SPIDR: variants seen among roughly 807,000 people sequenced by gnomAD.
The protein encoded by SPIDR is DNA repair-scaffolding protein.
Under a neutral mutation model 104.6 loss-of-function variants are expected in SPIDR, and 93 were observed. That is an observed-to-expected ratio of 0.89 (90% CI 0.75 to 1.06). The LOEUF is 1.06. Among genes scored for constraint, SPIDR ranks in the 50% least tolerant of loss-of-function variants. The pLI is 0.00. For missense variants in SPIDR, 1,154 were observed against 1,111.2 expected, an observed-to-expected ratio of 1.04 and a Z score of -0.55; for synonymous variants, 431 against 416.9, an observed-to-expected ratio of 1.03 and a Z score of -0.41.
chr8:47,330,767 G>C (rs886311059), intron 5 of SPIDR: 39 of 456,004 alleles, frequency 8.6e-5, no homozygotes, highest in Non-Finnish European at 1.7e-4. Context: ...AGAGACATCT[G>C]GGTTGCTTCT....
At chr8:47,346,103 T>A (rs1554617811) in intron 5 of SPIDR, among the ~76,000 whole-genome samples, 2 of 152,214 alleles carry the variant, frequency 1.3e-5, no homozygotes, top group Non-Finnish European at 2.9e-5. Context: ...TGTGGGTTTG[T>A]CATAAATAGC....
intron 8 of SPIDR, among the ~76,000 whole-genome samples, chr8:47,475,672 C>A (rs1554723375): frequency 6.6e-6 from 1 of 152,084 alleles, no homozygotes; most frequent in Non-Finnish European, 1.5e-5. Flanking sequence ...CCTTTTATGT[C>A]ACTTGGAGAA....
intron 8 of SPIDR, among the ~76,000 whole-genome samples, chr8:47,442,899 C>G (rs1298187523): frequency 6.6e-6 from 1 of 152,088 alleles, no homozygotes; most frequent in Non-Finnish European, 1.5e-5. Flanking sequence ...CAGGCCTGTT[C>G]CCTTCTCAAC....
At chr8:47,289,267 T>C (rs2039460987) in intron 3 of SPIDR, among the ~76,000 whole-genome samples, 2 of 152,152 alleles carry the variant, frequency 1.3e-5, no homozygotes, top group Admixed American at 1.3e-4. Context: ...ATCAGAGGGG[T>C]TCTGTAAATA....
intron 8 of SPIDR, among the ~76,000 whole-genome samples, chr8:47,480,354 T>G (rs1183808586): frequency 2.0e-5 from 3 of 152,234 alleles, no homozygotes; most frequent in Admixed American, 2.0e-4. Context: ...CATGTTTGTC[T>G]CTTAATGTGT....
chr8:47,626,463 G>A (rs2066130089), intron 10 of SPIDR, among the ~76,000 whole-genome samples: 4 of 152,142 alleles, frequency 2.6e-5, no homozygotes, highest in African/African-American at 7.2e-5. Context: ...CCTACAGAAC[G>A]GGAGGAAATT....
At chr8:47,692,510 T>C (rs901096091) in intron 11 of SPIDR, among the ~76,000 whole-genome samples, 3 of 147,676 alleles carry the variant, frequency 2.0e-5, no homozygotes, top group South Asian at 2.1e-4. Context: ...TTTTTTTTTT[T>C]CTTTGAGACT....
intron 1 of SPIDR, among the ~76,000 whole-genome samples, chr8:47,272,925 T>TG (rs2035628207): frequency 1.3e-5 from 2 of 152,212 alleles, no homozygotes; most frequent in South Asian, 2.1e-4. Flanking sequence ...TTTTACCACT[T>TG]CAAATGAGTT....
intron 11 of SPIDR, among the ~76,000 whole-genome samples, chr8:47,676,519 T>TC (rs2076470695): frequency 2.0e-5 from 1 of 50,942 alleles, no homozygotes; most frequent in Non-Finnish European, 9.4e-5. Flanking sequence ...ATTCTCTCTC[T>TC]TTTTTTTTTT....
At chr8:47,610,031 G>A (rs560165462) in intron 10 of SPIDR, among the ~76,000 whole-genome samples, 42 of 152,186 alleles carry the variant, frequency 2.8e-4, no homozygotes, top group African/African-American at 1.0e-3. Flanking sequence ...CTAAGTTTGC[G>A]TCTTAACCTG....
At chr8:47,363,100 G>A (rs1049315399) in intron 5 of SPIDR, among the ~76,000 whole-genome samples, 1 of 151,530 alleles carries the variant, frequency 6.6e-6, no homozygotes, top group African/African-American at 2.4e-5. Context: ...TCACATTACA[G>A]TAAGCTCCAC....
chr8:47,623,414 A>G (rs1368593906), intron 10 of SPIDR, among the ~76,000 whole-genome samples: 3 of 152,230 alleles, frequency 2.0e-5, no homozygotes, highest in Non-Finnish European at 4.4e-5. Flanking sequence ...AATGGGCTAA[A>G]TGCTCCAATT....
intron 10 of SPIDR, among the ~76,000 whole-genome samples, chr8:47,624,028 C>G (rs2065586986): frequency 6.6e-6 from 1 of 152,166 alleles, no homozygotes; most frequent in African/African-American, 2.4e-5. Context: ...GAAATTATAA[C>G]AAACTGTCTC....
intron 11 of SPIDR, among the ~76,000 whole-genome samples, chr8:47,684,370 AAAC>A (rs965270197): frequency 1.4e-4 from 22 of 152,282 alleles, no homozygotes; most frequent in Admixed American, 5.2e-4. Context: ...TTGCTGGTTA[AAAC>A]AACAACAACA....
chr8:47,289,716 T>A (rs1208467458), intron 3 of SPIDR, among the ~76,000 whole-genome samples: 2 of 152,204 alleles, frequency 1.3e-5, no homozygotes, highest in Non-Finnish European at 2.9e-5. Flanking sequence ...TCTTAAAGAC[T>A]AAACATGCAA....
chr8:47,286,349 A>G (rs1032595178), intron 3 of SPIDR, among the ~76,000 whole-genome samples: 4 of 152,208 alleles, frequency 2.6e-5, no homozygotes, highest in African/African-American at 9.6e-5. Context: ...GACTCATAAC[A>G]TAGAAACTGT....
intron 8 of SPIDR, among the ~76,000 whole-genome samples, chr8:47,493,030 A>AGC (rs2078966216): frequency 1.4e-5 from 2 of 143,290 alleles, no homozygotes. Flanking sequence ...AGAGAGAGAG[A>AGC]GAGAGAGAGT....
At chr8:47,665,872 A>G (rs921544687) in intron 10 of SPIDR, among the ~76,000 whole-genome samples, 1 of 152,224 alleles carries the variant, frequency 6.6e-6, no homozygotes, top group Non-Finnish European at 1.5e-5. Context: ...TGATAGTGCT[A>G]ATTTTTGAGA....
chr8:47,650,342 G>A (rs911752636), intron 10 of SPIDR, among the ~76,000 whole-genome samples: 1 of 152,124 alleles, frequency 6.6e-6, no homozygotes, highest in Non-Finnish European at 1.5e-5. Flanking sequence ...CAAGAACCCA[G>A]TCTTTCTTAA....
Sources: gnomAD v4.1 joint callset for allele counts (sites outside exome capture counted in the v4.1 genomes callset) on GRCh38, gnomAD v4.1.1 for gene constraint, MANE v1.5 for transcripts, NCBI Gene and HGNC (gene_info 2026-07-23, HGNC 2026-07-21) for gene names.